C8B: variants seen among roughly 807,000 people sequenced by gnomAD.
C8B encodes the protein complement C8 beta chain.
C8B carries 67 observed loss-of-function variants against 64.6 expected under a neutral mutation model. That is an observed-to-expected ratio of 1.04 (90% CI 0.85 to 1.27). The LOEUF is 1.27. C8B is among the 50% of genes most tolerant of loss of function. The probability of loss-of-function intolerance (pLI) is 0.00; values close to 1 mark genes in which losing one functional copy is unlikely to be tolerated. For missense variants in C8B, 790 were observed against 725.2 expected, an observed-to-expected ratio of 1.09 and a Z score of -1.03; for synonymous variants, 284 against 257.7, an observed-to-expected ratio of 1.10 and a Z score of -0.98.
chr1:56,963,508 G>A (rs1462335856), intron 1 of C8B, among the ~76,000 whole-genome samples: 3 of 141,858 alleles, frequency 2.1e-5, no homozygotes, highest in African/African-American at 7.9e-5. Flanking sequence ...ACATCTCAAG[G>A]CAACAAATGT....
At chr1:56,951,140 C>T (rs1645015096) in intron 5 of C8B, among the ~76,000 whole-genome samples, 1 of 152,098 alleles carries the variant, frequency 6.6e-6, no homozygotes, top group South Asian at 2.1e-4. Flanking sequence ...TGCAGTGGTA[C>T]GACCTTGACT....
chr1:56,954,971 A>G, intron 3 of C8B, 144 bp from the exon 4 acceptor site: 1 of 938,196 alleles, frequency 1.1e-6, no homozygotes, highest in East Asian at 2.5e-5. Flanking sequence ...ATCCAGATAG[A>G]TTGGTTATGG....
chr1:56,935,259 C>T (rs1644759824), intron 9 of C8B, among the ~76,000 whole-genome samples: 1 of 152,224 alleles, frequency 6.6e-6, no homozygotes, highest in African/African-American at 2.4e-5. Context: ...TGCAGCTTAA[C>T]AGCAACTCCT....
At position 56,929,562 on chromosome 1, in the gene C8B, T is replaced by C. The variant is rs945582755; in HGVS notation, c.1622-4A>G. 5 of 1,613,522 alleles carry C rather than the reference T, an allele frequency of 3.1e-6. No individual in the cohort carries two copies. In the African/African-American group the frequency reaches 5.3e-5, roughly 17 times the overall value. On this transcript the variant is annotated splice_polypyrimidine_tract_variant and splice_region_variant and intron_variant, in intron 11 of 11. Transcript: ENST00000371237. The stretch of plus-strand genomic sequence containing the variant: ...CACTTCCCATCAATGGGGGTATCTA[T>C]AAGAAAGAAGGTCAATAAGCATCAA...
chr1:56,939,222 C>T lies in C8B; in HGVS notation c.1398+1627G>A, dbSNP rs116709682. ...TTTTCCCTTGAACTCTGTTCTCTCC[C>T]ATGACCAGCTGTGATGCCAACCAAT... On this transcript the variant is annotated intron_variant, in intron 9 of 11. Coordinates refer to ENST00000371237, the MANE Select transcript of C8B (RefSeq NM_000066.4). Among the ~76,000 whole-genome samples, 690 of 152,314 alleles carry T rather than the reference C, an allele frequency of 4.5e-3. 11 individuals are homozygous for T. The highest frequency in any genetic ancestry group is 0.016 in the African/African-American group (656 of 41,562).
chr1:56,949,915 T>C (rs954988852), intron 5 of C8B, among the ~76,000 whole-genome samples, 163 bp from the exon 6 acceptor site: 1 of 152,186 alleles, frequency 6.6e-6, no homozygotes, highest in Non-Finnish European at 1.5e-5. Flanking sequence ...TCAGGGCTCT[T>C]GGTTCAGTAG....
Position 56,943,715 on chromosome 1 carries a change from A to G in C8B, c.1215T>C (p.Gly405=). 1 of 1,614,076 alleles carries G rather than the reference A, an allele frequency of 6.2e-7. No homozygotes were observed. Among genetic ancestry groups the G allele is most frequent in the Non-Finnish European group, 8.5e-7 (1 of 1,179,968 alleles). The change falls in exon 8 of 12, where the codon GGT becomes GGC. Residue 405 remains glycine (G), a synonymous_variant. Transcript: ENST00000371237. ...SLGVSVGKCR[G]ILNEIKDRNK... ...ACTCACCTTTTATTTCATTCAGAAT[A>G]CCTCTGCATTTGCCTACAGACACAC... is the stretch of plus-strand genomic sequence containing the variant.
chr1:56,964,511 C>CTGCT (rs1645224273), intron 1 of C8B, among the ~76,000 whole-genome samples: 1 of 152,188 alleles, frequency 6.6e-6, no homozygotes, highest in African/African-American at 2.4e-5. Context: ...GTTGCCTGTG[C>CTGCT]TGCTCCCTCT....
At chr1:56,939,180 T>C (rs1438632225) in intron 9 of C8B, among the ~76,000 whole-genome samples, 1 of 152,230 alleles carries the variant, frequency 6.6e-6, no homozygotes, top group South Asian at 2.1e-4. Context: ...GAAAAAGAGA[T>C]AAAGGCTAGG....
chr1:56,961,438 C>T (rs115704933), intron 1 of C8B, among the ~76,000 whole-genome samples: 2,998 of 152,160 alleles, frequency 0.02, 104 homozygotes, highest in African/African-American at 0.069. Context: ...GGGAAGCGGC[C>T]CAGAGAGACA....
chr1:56,950,003 C>G (rs1305687051), intron 5 of C8B, among the ~76,000 whole-genome samples: 1 of 152,096 alleles, frequency 6.6e-6, no homozygotes, highest in African/African-American at 2.4e-5. Flanking sequence ...GGCAAAAATG[C>G]AGGGGAACAT....
intron 2 of C8B, among the ~76,000 whole-genome samples, chr1:56,959,330 A>G (rs1645144472): frequency 6.6e-6 from 1 of 152,258 alleles, no homozygotes; most frequent in South Asian, 2.1e-4. Flanking sequence ...AAGGTGAAAA[A>G]TAAGTGGCAT....
chr1:56,949,814 G>A (rs1644995070), intron 5 of C8B, 62 bp from the exon 6 acceptor site: 3 of 1,159,486 alleles, frequency 2.6e-6, no homozygotes, highest in South Asian at 1.3e-5. Context: ...CAATACCAGT[G>A]AGCAGACAGC....
intron 8 of C8B, among the ~76,000 whole-genome samples, chr1:56,943,081 TAAAAATA>T (rs1230894764): frequency 4.7e-5 from 7 of 150,146 alleles, no homozygotes; most frequent in Middle Eastern, 3.4e-3. Flanking sequence ...CTCAAAAAAA[TAAAAATA>T]AAAAATAAAA....
intron 7 of C8B, among the ~76,000 whole-genome samples, chr1:56,944,899 G>A (rs749158388): frequency 2.0e-5 from 3 of 152,138 alleles, no homozygotes; most frequent in Non-Finnish European, 4.4e-5. Context: ...CCCAACAAGT[G>A]CCATGTCATA....
intron 5 of C8B, among the ~76,000 whole-genome samples, chr1:56,950,991 C>T (rs545645869): frequency 3.3e-5 from 5 of 152,108 alleles, no homozygotes; most frequent in East Asian, 3.9e-4. Context: ...GTGTGTTTGG[C>T]GCTAAGCCAA....
intron 1 of C8B, among the ~76,000 whole-genome samples, chr1:56,965,466 G>A (rs558417488): frequency 1.3e-5 from 2 of 151,406 alleles, no homozygotes; most frequent in South Asian, 2.1e-4. Flanking sequence ...GAAGATTTGG[G>A]GTTGATGAGC....
At chr1:56,965,402 T>A (rs12116568) in intron 1 of C8B, among the ~76,000 whole-genome samples, 2 of 129,100 alleles carry the variant, frequency 1.5e-5, no homozygotes, top group African/African-American at 5.8e-5. Flanking sequence ...AGAGAGAGTG[T>A]GTGTGTGTGT....
intron 6 of C8B, 56 bp from the exon 7 acceptor site, chr1:56,946,117 G>T (rs919007642): frequency 6.2e-7 from 1 of 1,602,668 alleles, no homozygotes; most frequent in Non-Finnish European, 8.5e-7. Context: ...AATCTGGAAC[G>T]AGAAGATGAA....
Sources: gnomAD v4.1 joint callset for allele counts (sites outside exome capture counted in the v4.1 genomes callset) on GRCh38, gnomAD v4.1.1 for gene constraint, MANE v1.5 for transcripts, NCBI Gene and HGNC (gene_info 2026-07-23, HGNC 2026-07-21) for gene names.